ASIC2: variants seen among roughly 807,000 people sequenced by gnomAD.
The protein encoded by ASIC2 is acid sensing ion channel subunit 2.
A neutral mutation model predicts 57.3 loss-of-function variants in ASIC2; 25 were observed. The ratio of observed to expected loss-of-function variants is 0.44; its 90% confidence interval spans 0.32 to 0.61. The LOEUF (loss-of-function observed/expected upper bound fraction) is 0.61. Among genes scored for constraint, ASIC2 ranks in the 20% least tolerant of loss-of-function variants. The pLI is 0.06. For synonymous variants in ASIC2, 319 were observed against 307.5 expected (o/e 1.04, Z -0.39); for missense variants, 641 against 738.1 (o/e 0.87, Z 1.52).
At chr17:33,319,687 C>G (rs1162395529) in intron 1 of ASIC2, among the ~76,000 whole-genome samples, 1 of 152,102 alleles carries the variant, frequency 6.6e-6, no homozygotes, top group Non-Finnish European at 1.5e-5. Context: ...GTGCACACCA[C>G]CACACCTAGC....
intron 1 of ASIC2, among the ~76,000 whole-genome samples, chr17:33,507,668 C>T (rs113186669): frequency 0.014 from 2,076 of 152,118 alleles, 22 homozygotes; most frequent in Middle Eastern, 0.041. Context: ...CTTTGGGAGG[C>T]AGAGGCAGGT....
At chr17:33,156,751 A>C (rs1286784277) in intron 1 of ASIC2, among the ~76,000 whole-genome samples, 2 of 152,062 alleles carry the variant, frequency 1.3e-5, no homozygotes, top group Non-Finnish European at 2.9e-5. Context: ...GCGAGACTCC[A>C]TTTCAAAAAA....
chr17:33,138,344 C>A (rs375304883), intron 1 of ASIC2, among the ~76,000 whole-genome samples: 1 of 152,106 alleles, frequency 6.6e-6, no homozygotes, highest in Admixed American at 6.5e-5. Context: ...GCACAGGAAC[C>A]CTGAGGATTA....
At chr17:33,823,826 C>A (rs1176541667) in intron 1 of ASIC2, among the ~76,000 whole-genome samples, 1 of 152,168 alleles carries the variant, frequency 6.6e-6, no homozygotes, top group Non-Finnish European at 1.5e-5. Flanking sequence ...AACTCTATCC[C>A]ATGCCCATGT....
rs370476876 is a variant in ASIC2 at position 33,240,459 on chromosome 17, C to T, written c.708+50949G>A. Among the ~76,000 whole-genome samples the T allele has an allele frequency of 4.8e-4, 73 of 152,282 alleles. 1 individual carries two copies. The highest frequency in any genetic ancestry group is 1.6e-3 in the African/African-American group (66 of 41,556). On this transcript the variant is annotated intron_variant, in intron 1 of 9. Coordinates refer to ENST00000225823, the MANE Select transcript of ASIC2 (RefSeq NM_183377.2). ...ATAGAGAAAAGCTTCTCTAAGAAAG[C>T]GGCCTGCCAGAGAGATGGGAGATGC...
intron 1 of ASIC2, among the ~76,000 whole-genome samples, chr17:33,809,971 T>C (rs2142152877): frequency 6.6e-6 from 1 of 152,324 alleles, no homozygotes; most frequent in South Asian, 2.1e-4. Context: ...CCATTTTGAA[T>C]TCCCACCTGC....
intron 1 of ASIC2, among the ~76,000 whole-genome samples, chr17:33,365,677 C>T (rs909910608): frequency 1.3e-5 from 2 of 152,022 alleles, no homozygotes; most frequent in African/African-American, 2.4e-5. Context: ...CTTCTTCTTC[C>T]TGGCCATTAG....
At chr17:34,033,241 G>T (rs1907702299) in intron 1 of ASIC2, among the ~76,000 whole-genome samples, 1 of 152,164 alleles carries the variant, frequency 6.6e-6, no homozygotes, top group Non-Finnish European at 1.5e-5. Flanking sequence ...CATGGAAACT[G>T]AACAACCTTC....
At chr17:33,844,495 C>A (rs1394719743) in intron 1 of ASIC2, among the ~76,000 whole-genome samples, 1 of 152,144 alleles carries the variant, frequency 6.6e-6, no homozygotes, top group Non-Finnish European at 1.5e-5. Context: ...TCCAAGTAAA[C>A]AAGGACCATG....
At chr17:33,705,084 G>A (rs186209552) in intron 1 of ASIC2, among the ~76,000 whole-genome samples, 17 of 152,258 alleles carry the variant, frequency 1.1e-4, no homozygotes, top group Non-Finnish European at 2.5e-4. Flanking sequence ...TGAAATGAAA[G>A]TCTTGGAACT....
intron 1 of ASIC2, among the ~76,000 whole-genome samples, chr17:33,585,384 T>C (rs536018084): frequency 6.6e-6 from 1 of 152,334 alleles, no homozygotes; most frequent in South Asian, 2.1e-4. Flanking sequence ...CCCTTGCTTG[T>C]TAGCATTTTG....
chr17:33,174,702 T>C (rs1299091579), intron 1 of ASIC2, among the ~76,000 whole-genome samples: 2 of 152,154 alleles, frequency 1.3e-5, no homozygotes, highest in Non-Finnish European at 2.9e-5. Context: ...GGAAGAGGCA[T>C]GTGTCCCTGC....
At chr17:33,601,244 G>T (rs1341531583) in intron 1 of ASIC2, among the ~76,000 whole-genome samples, 5 of 152,166 alleles carry the variant, frequency 3.3e-5, no homozygotes, top group African/African-American at 1.2e-4. Flanking sequence ...TAGAAGGGAG[G>T]CAGGGGCTAT....
chr17:33,583,076 A>G (rs928264068), intron 1 of ASIC2, among the ~76,000 whole-genome samples: 1 of 152,212 alleles, frequency 6.6e-6, no homozygotes, highest in African/African-American at 2.4e-5. Context: ...GGCTCATTGA[A>G]AAGGTCCAGT....
Position 34,156,667 on chromosome 17 carries a change from AG to A in ASIC2, c.-136del. Reference sequence around the variant, plus strand: ...GGCAAGCATCGCGCCAGATGCTGTGAGTTTATCCTGAGAGCCCAGCCGCACG... The same window carrying A: ...GGCAAGCATCGCGCCAGATGCTGTGATTTATCCTGAGAGCCCAGCCGCACG... On this transcript the variant is annotated 5_prime_UTR_variant, in exon 1 of 10. Coordinates refer to the ASIC2 transcript ENST00000359872. This position sits in a 1 kb window ranked among gnomAD's most constrained non-coding sequence, Gnocchi z 4.4. 1 of 944,762 alleles carries A rather than the reference AG, an allele frequency of 1.1e-6. No homozygotes were observed. The highest frequency in any genetic ancestry group is 1.5e-6 in the Non-Finnish European group (1 of 649,546). 58.5% of individuals were successfully genotyped at this position (944,762 alleles called of 1,614,324 possible). A position where few individuals can be genotyped will look rare whatever the true frequency, so the allele number is the denominator to read the frequency against.
intron 1 of ASIC2, among the ~76,000 whole-genome samples, chr17:33,265,991 C>A (rs942607695): frequency 6.6e-6 from 1 of 152,186 alleles, no homozygotes; most frequent in African/African-American, 2.4e-5. Flanking sequence ...TGTCCCATGG[C>A]CATGGTGGTC....
chr17:33,547,487 TC>T (rs1198224770), intron 1 of ASIC2, among the ~76,000 whole-genome samples: 4 of 151,868 alleles, frequency 2.6e-5, no homozygotes, highest in Non-Finnish European at 5.9e-5. Context: ...AGCTTTGGAG[TC>T]CCTCATACCC....
chr17:33,040,859 G>T (rs542395335), intron 3 of ASIC2, among the ~76,000 whole-genome samples: 1 of 152,244 alleles, frequency 6.6e-6, no homozygotes. Context: ...AGACAGGAGT[G>T]GGGGTGCGCC....
chr17:33,929,544 C>T (rs568693486), intron 1 of ASIC2, among the ~76,000 whole-genome samples: 40 of 152,330 alleles, frequency 2.6e-4, no homozygotes, highest in Non-Finnish European at 4.6e-4. Context: ...TCCCCACTTA[C>T]GCAAACGCAA....
Sources: allele counts gnomAD v4.1 joint callset (sites outside exome capture counted in the v4.1 genomes callset), GRCh38; gene constraint gnomAD v4.1.1; non-coding constraint Gnocchi (gnomAD v3.1); transcripts MANE v1.5; gene names NCBI Gene and HGNC (gene_info 2026-07-23, HGNC 2026-07-21).